The following RASGEF1C variants were observed in gnomAD, a reference collection of about 807,000 sequenced individuals.
The protein encoded by RASGEF1C is ras-GEF domain-containing family member 1C.
A neutral mutation model predicts 58.1 loss-of-function variants in RASGEF1C; 27 were observed. That is an observed-to-expected ratio of 0.46 (90% CI 0.34 to 0.64). The LOEUF (loss-of-function observed/expected upper bound fraction) is 0.64. RASGEF1C is among the 30% of genes least tolerant of loss of function. The pLI is 0.01. For missense variants in RASGEF1C, 502 were observed against 605.1 expected (o/e 0.83, Z 1.79); for synonymous variants, 243 against 246.3 (o/e 0.99, Z 0.13).
At chr5:180,171,569 G>A (rs1014514265) in intron 1 of RASGEF1C, among the ~76,000 whole-genome samples, 7 of 152,098 alleles carry the variant, frequency 4.6e-5, no homozygotes, top group African/African-American at 1.7e-4. Context: ...CAGCCCCTGG[G>A]TCCCAGGCTC....
intron 4 of RASGEF1C, among the ~76,000 whole-genome samples, chr5:180,135,592 T>C (rs1766457996): frequency 1.3e-5 from 2 of 152,226 alleles, no homozygotes; most frequent in Non-Finnish European, 2.9e-5. Flanking sequence ...TCCATAATCC[T>C]GGGAGGTGAA....
intron 1 of RASGEF1C, among the ~76,000 whole-genome samples, chr5:180,142,273 C>T (rs1232642617): frequency 1.3e-5 from 2 of 152,136 alleles, no homozygotes; most frequent in Admixed American, 6.5e-5. Context: ...GGTTCCGCTT[C>T]CTACCCATGA....
chr5:180,148,839 T>C (rs1326286227), intron 1 of RASGEF1C, among the ~76,000 whole-genome samples: 1 of 152,198 alleles, frequency 6.6e-6, no homozygotes, highest in Non-Finnish European at 1.5e-5. Context: ...AATTACTCTT[T>C]AGTGTCTTTC....
chr5:180,139,098 C>T (rs570613030), intron 1 of RASGEF1C, among the ~76,000 whole-genome samples: 1 of 152,322 alleles, frequency 6.6e-6, no homozygotes, highest in African/African-American at 2.4e-5. Context: ...AGCACATCCT[C>T]TGTGACCCTG....
At chr5:180,120,343 C>T (rs1359594311) in intron 7 of RASGEF1C, among the ~76,000 whole-genome samples, 3 of 152,206 alleles carry the variant, frequency 2.0e-5, no homozygotes, top group Admixed American at 6.5e-5. Context: ...ATCGCCACGT[C>T]GCATGGGGCC....
At chr5:180,185,037 A>C (rs546409385) in intron 1 of RASGEF1C, among the ~76,000 whole-genome samples, 94 of 152,338 alleles carry the variant, frequency 6.2e-4, no homozygotes, top group African/African-American at 2.2e-3. Context: ...TCACACCTGT[A>C]ATCCCAGCAC....
intron 1 of RASGEF1C, among the ~76,000 whole-genome samples, chr5:180,154,583 CTTTT>C (rs113429753): frequency 8.5e-5 from 12 of 140,614 alleles, no homozygotes; most frequent in Non-Finnish European, 1.5e-4. Flanking sequence ...ACTCTGGACT[CTTTT>C]TTTTTTTTTT....
chr5:180,185,059 G>A (rs1281679651), intron 1 of RASGEF1C, among the ~76,000 whole-genome samples: 2 of 152,170 alleles, frequency 1.3e-5, no homozygotes, highest in African/African-American at 2.4e-5. Flanking sequence ...TTGGGAGGCC[G>A]AGGTGGGCGG....
At chr5:180,162,659 G>C (rs1440339517) in intron 1 of RASGEF1C, among the ~76,000 whole-genome samples, 1 of 152,178 alleles carries the variant, frequency 6.6e-6, no homozygotes, top group Non-Finnish European at 1.5e-5. Flanking sequence ...GTCATAAATA[G>C]ATTTATGTTT....
intron 1 of RASGEF1C, 62 bp from the exon 2 acceptor site, chr5:180,138,120 G>T: frequency 9.3e-7 from 1 of 1,069,628 alleles, no homozygotes; most frequent in Non-Finnish European, 1.3e-6. Flanking sequence ...GTGCACCTGA[G>T]TGGGAGCTGC....
chr5:180,190,448 C>T (rs1756138925), intron 1 of RASGEF1C, among the ~76,000 whole-genome samples: 2 of 138,900 alleles, frequency 1.4e-5, no homozygotes, highest in South Asian at 4.8e-4. Context: ...TGAGATCGCG[C>T]CACTGCACTC....
chr5:180,109,464 A>T (rs189685245), intron 12 of RASGEF1C, among the ~76,000 whole-genome samples: 100 of 152,308 alleles, frequency 6.6e-4, no homozygotes, highest in South Asian at 8.3e-4. Context: ...TCTCAAAAAA[A>T]AATAATAATA....
At chr5:180,140,428 C>A (rs551471883) in intron 1 of RASGEF1C, among the ~76,000 whole-genome samples, 1 of 152,212 alleles carries the variant, frequency 6.6e-6, no homozygotes, top group Non-Finnish European at 1.5e-5. Flanking sequence ...GGACAAAGCC[C>A]GACCTCAGGG....
intron 1 of RASGEF1C, among the ~76,000 whole-genome samples, chr5:180,185,910 C>A (rs1756027011): frequency 6.6e-6 from 1 of 151,988 alleles, no homozygotes. Flanking sequence ...CCAGCCTGGG[C>A]AACATGGCAT....
chr5:180,114,420 A>G (rs1209007894), intron 11 of RASGEF1C, 26 bp downstream of exon 11: 3 of 1,604,916 alleles, frequency 1.9e-6, no homozygotes, highest in African/African-American at 2.7e-5. Context: ...TGTCTACCTC[A>G]GTGGCGGTCC....
At chr5:180,133,303 C>T (rs866086424) in intron 4 of RASGEF1C, among the ~76,000 whole-genome samples, 50 of 152,140 alleles carry the variant, frequency 3.3e-4, no homozygotes, top group Admixed American at 2.0e-4. Flanking sequence ...CTCCAGCTGC[C>T]GAGAGCTGGT....
At chr5:180,124,210 C>T (rs143967496) in intron 6 of RASGEF1C, among the ~76,000 whole-genome samples, 3,550 of 146,394 alleles carry the variant, frequency 0.024, 151 homozygotes, top group African/African-American at 0.085. Context: ...CCAGCCTGGG[C>T]GACAGAGCGA....
intron 1 of RASGEF1C, among the ~76,000 whole-genome samples, chr5:180,190,255 A>C (rs1466100692): frequency 6.6e-6 from 1 of 151,298 alleles, no homozygotes; most frequent in African/African-American, 2.4e-5. Flanking sequence ...TGGGAGGCCG[A>C]GGCAGGCGGA....
chr5:180,135,741 C>G (rs1289278190), intron 4 of RASGEF1C, among the ~76,000 whole-genome samples: 2 of 152,214 alleles, frequency 1.3e-5, no homozygotes, highest in Admixed American at 1.3e-4. Flanking sequence ...TAAGGCCTCC[C>G]AAGCCGCTGG....
Sources: gnomAD v4.1 joint callset for allele counts (sites outside exome capture counted in the v4.1 genomes callset) on GRCh38, gnomAD v4.1.1 for gene constraint, MANE v1.5 for transcripts, NCBI Gene and HGNC (gene_info 2026-07-23, HGNC 2026-07-21) for gene names.